The following UIMC1 variants were observed in gnomAD, a reference collection of about 807,000 sequenced individuals.
UIMC1 encodes the protein ubiquitin interaction motif containing 1, also known as BRCA1-A complex subunit RAP80.
Under a neutral mutation model 84.9 loss-of-function variants are expected in UIMC1, and 42 were observed. The ratio of observed to expected loss-of-function variants is 0.49; its 90% CI spans 0.39 to 0.64. The LOEUF is 0.64. UIMC1 is among the 30% of genes least tolerant of loss of function. The pLI is 0.00. For missense variants in UIMC1, 825 were observed against 847.6 expected, an observed-to-expected ratio of 0.97 and a Z score of 0.33; for synonymous variants, 281 against 293.0, an observed-to-expected ratio of 0.96 and a Z score of 0.42.
At chr5:176,966,165 G>A (rs1768264234) in intron 6 of UIMC1, among the ~76,000 whole-genome samples, 1 of 152,144 alleles carries the variant, frequency 6.6e-6, no homozygotes, top group South Asian at 2.1e-4. Flanking sequence ...ATGATTCCTA[G>A]AGGCATCTCC....
chr5:176,914,006 AG>A (rs1411253845), intron 10 of UIMC1, among the ~76,000 whole-genome samples: 7 of 144,222 alleles, frequency 4.9e-5, no homozygotes, highest in East Asian at 4.0e-4. Flanking sequence ...ACCATACCAT[AG>A]CATACCATAC....
At chr5:176,911,735 G>C (rs1760242530) in intron 10 of UIMC1, among the ~76,000 whole-genome samples, 1 of 152,110 alleles carries the variant, frequency 6.6e-6, no homozygotes, top group African/African-American at 2.4e-5. Flanking sequence ...ATTCTATCTG[G>C]TATGACACAC....
intron 9 of UIMC1, among the ~76,000 whole-genome samples, chr5:176,943,808 CAA>C (rs1381129526): frequency 1.3e-5 from 2 of 152,288 alleles, no homozygotes; most frequent in East Asian, 1.9e-4. Flanking sequence ...TTTAATCTTA[CAA>C]AGTTATTAGC....
At position 176,977,728 on chromosome 5, in the gene UIMC1, G is replaced by A. The variant is rs145121610; in HGVS notation, c.148-2248C>T. 1.8e-3 allele frequency among the ~76,000 whole-genome samples: 278 copies of A among 151,424 alleles called. 3 individuals are homozygous for A. The highest frequency in any genetic ancestry group is 6.4e-3 in the African/African-American group (264 of 41,330). On this transcript the variant is annotated intron_variant, in intron 2 of 14. Transcript: ENST00000511320. The stretch of plus-strand genomic sequence containing the variant: ...AGTTTGAGACCAGCCTGGCCAACAT[G>A]GTAAAACCCCCTCTCTACTAAAAAT...
intron 2 of UIMC1, among the ~76,000 whole-genome samples, chr5:176,981,878 C>T (rs1771107712): frequency 6.6e-6 from 1 of 152,082 alleles, no homozygotes; most frequent in South Asian, 2.1e-4. Flanking sequence ...GACCTGCAGG[C>T]AGGCAGAAAA....
chr5:177,004,476 G>A (rs1274094979), intron 1 of UIMC1, among the ~76,000 whole-genome samples: 1 of 151,904 alleles, frequency 6.6e-6, no homozygotes, highest in Non-Finnish European at 1.5e-5. Context: ...CAAAGATGAA[G>A]AACTCACTAA....
intron 1 of UIMC1, among the ~76,000 whole-genome samples, chr5:177,003,210 CACATAT>C (rs749125658): frequency 6.6e-6 from 1 of 152,096 alleles, no homozygotes; most frequent in Non-Finnish European, 1.5e-5. Flanking sequence ...CACACACACA[CACATAT>C]AAACACACAC....
At position 176,990,541 on chromosome 5, in the gene UIMC1, CCTAAA is replaced by C. The variant is rs562495064; in HGVS notation, c.-8-7923_-8-7919del. Among the ~76,000 whole-genome samples, 1,384 of 152,186 alleles carry C rather than the reference CCTAAA, an allele frequency of 9.1e-3. 7 individuals are homozygous for C. The highest frequency in any genetic ancestry group is 0.025 in the South Asian group (121 of 4,816). On this transcript the variant is annotated intron_variant, in intron 1 of 14. Transcript: ENST00000511320. The stretch of plus-strand genomic sequence containing the variant: ...CAAATAAGATGACATATTTGTACTT[CCTAAA>C]ATAAATTAATTTTATATTAATTCGC...
rs1166556102 is a variant in UIMC1 at position 176,982,351 on chromosome 5, A to G, written c.147+118T>C. On this transcript the variant is annotated intron_variant, in intron 2 of 14. Transcript: ENST00000511320. ...CAAATTAAAACAAAGCTGAGTAAAAATTTCATGGTTTTGGTGAGCTGGCAT... is the reference window on the plus strand; with the variant it reads ...CAAATTAAAACAAAGCTGAGTAAAAGTTTCATGGTTTTGGTGAGCTGGCAT... 3.3e-6 allele frequency: 4 copies of G among 1,202,732 alleles called. No homozygotes were observed. In the Admixed American group the frequency reaches 9.7e-5, roughly 29 times the overall value. The allele number at this position is 1,202,732 out of a possible 1,614,324, so 74.5% of individuals were successfully genotyped here.
chr5:176,922,616 C>T (rs2149407893), intron 10 of UIMC1, among the ~76,000 whole-genome samples: 1 of 152,302 alleles, frequency 6.6e-6, no homozygotes, highest in South Asian at 2.1e-4. Flanking sequence ...TGTTTTTGAA[C>T]ATTGGGTTAA....
intron 2 of UIMC1, among the ~76,000 whole-genome samples, chr5:176,976,568 G>A (rs987476424): frequency 9.2e-5 from 14 of 152,176 alleles, no homozygotes; most frequent in African/African-American, 3.4e-4. Flanking sequence ...CACTGTTGGT[G>A]GGAATATAAA....
At chr5:176,989,530 C>T (rs1464848896) in intron 1 of UIMC1, among the ~76,000 whole-genome samples, 3 of 151,884 alleles carry the variant, frequency 2.0e-5, no homozygotes, top group Non-Finnish European at 4.4e-5. Context: ...TGTGGTGGCA[C>T]ATGCCTGCAG....
intron 1 of UIMC1, among the ~76,000 whole-genome samples, chr5:176,987,084 G>T (rs1042501101): frequency 1.3e-5 from 2 of 151,908 alleles, no homozygotes; most frequent in South Asian, 4.1e-4. Context: ...GCCAGGCGTG[G>T]TGGCGGGCGC....
At chr5:176,910,761 G>C (rs1760031208) in intron 11 of UIMC1, among the ~76,000 whole-genome samples, 1 of 152,126 alleles carries the variant, frequency 6.6e-6, no homozygotes, top group Admixed American at 6.5e-5. Flanking sequence ...AAGGGATACA[G>C]AGGCCACCTA....
chr5:176,917,419 C>A (rs1471794499), intron 10 of UIMC1, among the ~76,000 whole-genome samples: 1 of 151,680 alleles, frequency 6.6e-6, no homozygotes, highest in Non-Finnish European at 1.5e-5. Flanking sequence ...TGAAAATAGA[C>A]AATTTAGCCG....
At chr5:176,951,371 C>A (rs1765855062) in intron 9 of UIMC1, 103 bp downstream of exon 9, 1 of 841,284 alleles carries the variant, frequency 1.2e-6, no homozygotes. Context: ...AAACTAAAAC[C>A]CCCTGCCACC....
intron 10 of UIMC1, among the ~76,000 whole-genome samples, chr5:176,922,667 T>C (rs751694895): frequency 3.4e-4 from 52 of 152,196 alleles, no homozygotes; most frequent in Non-Finnish European, 5.3e-4. Flanking sequence ...AAACCATCTT[T>C]GTCTATACAA....
chr5:176,957,954 A>G, intron 7 of UIMC1, 139 bp downstream of exon 7: 2 of 598,156 alleles, frequency 3.3e-6, no homozygotes, highest in Non-Finnish European at 5.5e-6. Context: ...GATACTAATA[A>G]AATTTCTCCT....
At chr5:176,984,013 A>T (rs1468071673) in intron 1 of UIMC1, among the ~76,000 whole-genome samples, 3 of 101,396 alleles carry the variant, frequency 3.0e-5, no homozygotes, top group Admixed American at 1.1e-4. Flanking sequence ...CCGTCTGGGA[A>T]GTGAGGAGCG....
Sources: gnomAD v4.1 joint callset for allele counts (sites outside exome capture counted in the v4.1 genomes callset) on GRCh38, gnomAD v4.1.1 for gene constraint, MANE v1.5 for transcripts, NCBI Gene and HGNC (gene_info 2026-07-23, HGNC 2026-07-21) for gene names.